B3GLCT: variants seen among roughly 807,000 people sequenced by gnomAD.
B3GLCT encodes the protein beta 3-glucosyltransferase.
Under a neutral mutation model 63.4 loss-of-function variants are expected in B3GLCT, and 65 were observed. The ratio of observed to expected loss-of-function variants is 1.03; its 90% confidence interval spans 0.84 to 1.26. The LOEUF (loss-of-function observed/expected upper bound fraction) is 1.26, where lower values mean the gene tolerates loss of function less well. Among genes scored for constraint, B3GLCT ranks in the 50% most tolerant of loss-of-function variants. B3GLCT has a pLI of 0.00. For synonymous variants in B3GLCT, 233 were observed against 219.2 expected (o/e 1.06, Z -0.55); for missense variants, 577 against 604.8 (o/e 0.95, Z 0.48).
rs569483904 is a variant in B3GLCT, at chr13:31,332,020, C to T, written c.*2352C>T. ...TACATCTTGAAACTAAATCAGAAAT[C>T]CAGACATGAAAATAACCTTTCTAGA... On this transcript the variant is annotated 3_prime_UTR_variant, in exon 15 of 15. Coordinates refer to ENST00000343307, the MANE Select transcript of B3GLCT (RefSeq NM_194318.4). 1 of 152,182 alleles carries T rather than the reference C, an allele frequency of 6.6e-6. No individual in the cohort carries two copies. The highest frequency in any genetic ancestry group is 2.1e-4 in the South Asian group (1 of 4,816). 9.4% of individuals were successfully genotyped at this position (152,182 alleles called of 1,614,324 possible). A position where few individuals can be genotyped will look rare whatever the true frequency, so the allele number is the denominator to read the frequency against.
At chr13:31,327,262 G>C (rs761414914) in intron 14 of B3GLCT, among the ~76,000 whole-genome samples, 1 of 152,148 alleles carries the variant, frequency 6.6e-6, no homozygotes, top group Non-Finnish European at 1.5e-5. Context: ...TCTTGCTTCA[G>C]GCTATTCTTA....
intron 14 of B3GLCT, among the ~76,000 whole-genome samples, 157 bp from the exon 15 acceptor site, chr13:31,329,344 G>A (rs1875795052): frequency 6.6e-6 from 1 of 152,174 alleles, no homozygotes; most frequent in Admixed American, 6.5e-5. Context: ...GGAGTTAGAA[G>A]AAAGATATCA....
intron 1 of B3GLCT, among the ~76,000 whole-genome samples, chr13:31,213,714 T>C (rs531103275): frequency 3.8e-5 from 5 of 133,064 alleles, no homozygotes; most frequent in African/African-American, 1.1e-4. Flanking sequence ...TAAACAAATA[T>C]ATATGTCAGT....
rs187551925 is a variant in B3GLCT at position 31,267,396 on chromosome 13, G to T, written c.597-1818G>T. Among the ~76,000 whole-genome samples the T allele has an allele frequency of 6.3e-3, 962 of 152,334 alleles. 6 individuals are homozygous for T. Among genetic ancestry groups the T allele is most frequent in the Non-Finnish European group, 9.3e-3 (632 of 68,032 alleles). ...TCTGATTAGATTTTGAAGGCATGTG[G>T]CATGAGTCCAAATCCCAAAGTTACC... On this transcript the variant is annotated intron_variant, in intron 7 of 14. Coordinates refer to ENST00000343307, the MANE Select transcript of B3GLCT (RefSeq NM_194318.4).
chr13:31,247,653 T>C (rs1323033030), intron 5 of B3GLCT, among the ~76,000 whole-genome samples: 2 of 152,248 alleles, frequency 1.3e-5, no homozygotes, highest in East Asian at 3.8e-4. Context: ...AGTGTTGTTA[T>C]GGAGAGAATT....
At chr13:31,327,463 G>A (rs931056125) in intron 14 of B3GLCT, among the ~76,000 whole-genome samples, 8 of 152,154 alleles carry the variant, frequency 5.3e-5, no homozygotes, top group Non-Finnish European at 1.0e-4. Flanking sequence ...AGCAGGGCCC[G>A]CAACTTAAAA....
rs931777035 is a variant in B3GLCT at position 31,225,967 on chromosome 13, G to A, written c.160+2976G>A. Among the ~76,000 whole-genome samples, 7 of 152,244 alleles carry A rather than the reference G, an allele frequency of 4.6e-5. No homozygotes were observed. In the South Asian group the frequency reaches 8.3e-4, roughly 18 times the overall value. ...ACTTTATCACCTACTGTACCCCGCC[G>A]TGCTCCTTTTCTCAGAAATGCCTGA... On this transcript the variant is annotated intron_variant, in intron 3 of 14. Transcript: ENST00000343307.
intron 12 of B3GLCT, among the ~76,000 whole-genome samples, chr13:31,290,949 GA>G (rs1426486264): frequency 1.3e-5 from 2 of 152,166 alleles, no homozygotes; most frequent in African/African-American, 4.8e-5. Context: ...CCTATGTCCT[GA>G]ATGGTATTGC....
chr13:31,265,277 A>G (rs565623223), intron 7 of B3GLCT, among the ~76,000 whole-genome samples: 5 of 152,254 alleles, frequency 3.3e-5, no homozygotes, highest in Middle Eastern at 3.4e-3. Context: ...AGAGTAATCA[A>G]TCTCTGACTC....
At chr13:31,299,612 T>C (rs1007054833) in intron 12 of B3GLCT, among the ~76,000 whole-genome samples, 1 of 152,198 alleles carries the variant, frequency 6.6e-6, no homozygotes, top group African/African-American at 2.4e-5. Context: ...ACAGTTCTTA[T>C]TGGCATTTTG....
chr13:31,310,832 C>T (rs545285412), intron 12 of B3GLCT, among the ~76,000 whole-genome samples: 1 of 152,256 alleles, frequency 6.6e-6, no homozygotes, highest in Non-Finnish European at 1.5e-5. Context: ...CTGCATCCCC[C>T]ACCCCTTGTC....
At chr13:31,202,841 A>G (rs2137725121) in intron 1 of B3GLCT, among the ~76,000 whole-genome samples, 1 of 152,278 alleles carries the variant, frequency 6.6e-6, no homozygotes, top group East Asian at 1.9e-4. Flanking sequence ...GATGGAAGCC[A>G]GTAGTAAGGA....
At chr13:31,216,703 T>C (rs748726762) in intron 2 of B3GLCT, among the ~76,000 whole-genome samples, 14 of 152,212 alleles carry the variant, frequency 9.2e-5, no homozygotes, top group Non-Finnish European at 1.5e-4. Context: ...CTTGTGGGTT[T>C]TCATTTTCTG....
intron 4 of B3GLCT, among the ~76,000 whole-genome samples, chr13:31,230,069 T>A (rs938127382): frequency 3.5e-4 from 53 of 152,182 alleles, no homozygotes; most frequent in Non-Finnish European, 7.4e-5. Flanking sequence ...TCTCTTAATC[T>A]ACTTTTTTAA....
chr13:31,219,904 A>T (rs1186667065), intron 2 of B3GLCT, among the ~76,000 whole-genome samples: 2 of 152,178 alleles, frequency 1.3e-5, no homozygotes, highest in African/African-American at 4.8e-5. Flanking sequence ...AATGATGAAA[A>T]AAGGGTAGGT....
chr13:31,287,554 C>G (rs764529896), intron 12 of B3GLCT, among the ~76,000 whole-genome samples: 1 of 152,034 alleles, frequency 6.6e-6, no homozygotes, highest in Non-Finnish European at 1.5e-5. Flanking sequence ...GAACAAAACT[C>G]AAGAAGACTT....
intron 2 of B3GLCT, among the ~76,000 whole-genome samples, chr13:31,221,376 G>T (rs1282773768): frequency 6.6e-6 from 1 of 152,186 alleles, no homozygotes; most frequent in Non-Finnish European, 1.5e-5. Context: ...GTCAAGAGTG[G>T]CATTTAGAGT....
chr13:31,229,598 T>C (rs1870272457), intron 4 of B3GLCT, among the ~76,000 whole-genome samples: 1 of 151,806 alleles, frequency 6.6e-6, no homozygotes. Context: ...ATACGAAAAT[T>C]AGCAGGGCCT....
At chr13:31,295,753 C>T (rs766638726) in intron 12 of B3GLCT, among the ~76,000 whole-genome samples, 5 of 152,170 alleles carry the variant, frequency 3.3e-5, no homozygotes, top group East Asian at 1.9e-4. Context: ...TGCTGGGCTC[C>T]GTGGGGGTGG....
Sources: gnomAD v4.1 joint callset for allele counts (sites outside exome capture counted in the v4.1 genomes callset) on GRCh38, gnomAD v4.1.1 for gene constraint, MANE v1.5 for transcripts, NCBI Gene and HGNC (gene_info 2026-07-23, HGNC 2026-07-21) for gene names.